The following DMD variants were observed in gnomAD, a reference collection of about 807,000 sequenced individuals.
The protein encoded by DMD is mutant dystrophin.
Under a neutral mutation model 330.1 loss-of-function variants are expected in DMD, and 63 were observed. The ratio of observed to expected loss-of-function variants is 0.19; its 90% confidence interval spans 0.16 to 0.24. DMD has a LOEUF of 0.24. Ranked by LOEUF, DMD falls within the 10% of genes least tolerant of loss-of-function variation. The pLI is 1.00. For missense variants in DMD, 3,344 were observed against 2,684.1 expected (o/e 1.25, Z -5.43); for synonymous variants, 1,223 against 959.8 (o/e 1.27, Z -5.07).
intron 52 of DMD, among the ~76,000 whole-genome samples, chrX:31,700,018 TG>T (rs1397388062): frequency 9.1e-6 from 1 of 110,413 alleles, no homozygotes; most frequent in Non-Finnish European, 1.9e-5. Flanking sequence ...AAACCCTGTC[TG>T]TACTAAAAAT....
Position 31,293,163 on chromosome X carries a change from G to GGTGTGTGTGTGTGTGT in DMD, c.9224+30419_9224+30434dup, listed in dbSNP as rs762778210. 3.3e-3 allele frequency among the ~76,000 whole-genome samples: 235 copies of GGTGTGTGTGTGTGTGT among 70,545 alleles called. 8 individuals are homozygous for GGTGTGTGTGTGTGTGT. Among genetic ancestry groups the GGTGTGTGTGTGTGTGT allele is most frequent in the East Asian group, 9.4e-3 (25 of 2,654 alleles). 61.3% of individuals were successfully genotyped at this position (70,545 alleles called of 115,157 possible). A position where few individuals can be genotyped will look rare whatever the true frequency, so the allele number is the denominator to read the frequency against. On this transcript the variant is annotated intron_variant, in intron 62 of 78. Transcript: ENST00000357033. ...CTCTCTCTCACCACTCCCCCAACCC[G>GGTGTGTGTGTGTGTGT]GTGTGTGTGTGTGTGTGTGTGTGTG...
chrX:32,174,196 A>G (rs12560135), intron 44 of DMD, among the ~76,000 whole-genome samples: 21,218 of 111,709 alleles, frequency 0.19, 1,532 homozygotes, highest in Admixed American at 0.26. Context: ...AATGAGGATC[A>G]CAGAGGAGAA....
chrX:32,748,681 A>G (rs1220926613), intron 7 of DMD, among the ~76,000 whole-genome samples: 1 of 112,284 alleles, frequency 8.9e-6, no homozygotes, highest in African/African-American at 3.2e-5. Flanking sequence ...GCAAATTAAA[A>G]CAGATTATCA....
intron 1 of DMD, among the ~76,000 whole-genome samples, chrX:33,120,387 G>A (rs944570540): frequency 4.5e-5 from 5 of 111,420 alleles, no homozygotes; most frequent in Non-Finnish European, 9.4e-5. Context: ...CTTTTTTCAA[G>A]TACTTCCATC....
chrX:32,699,305 T>A lies in DMD; in HGVS notation c.650-12A>T. 1 of 1,180,803 alleles carries A rather than the reference T, an allele frequency of 8.5e-7. No homozygotes were observed. Among genetic ancestry groups the A allele is most frequent in the Non-Finnish European group, 1.2e-6 (1 of 867,703 alleles). ...GGTGGTATCAACATCTGTAAGCACA[T>A]TAACACTACACATCAATTTTTGGTT... is the stretch of plus-strand genomic sequence containing the variant. On this transcript the variant is annotated splice_polypyrimidine_tract_variant and intron_variant, in intron 7 of 78. Coordinates refer to ENST00000357033, the MANE Select transcript of DMD (RefSeq NM_004006.3).
chrX:32,287,039 C>G (rs1198053078), intron 43 of DMD, among the ~76,000 whole-genome samples: 1 of 110,277 alleles, frequency 9.1e-6, no homozygotes, highest in Non-Finnish European at 1.9e-5. Context: ...GATTTTAAAT[C>G]AACTTAACAA....
At chrX:31,614,014 T>C (rs2078067465) in intron 55 of DMD, among the ~76,000 whole-genome samples, 1 of 112,405 alleles carries the variant, frequency 8.9e-6, no homozygotes, top group East Asian at 2.8e-4. Context: ...AACACTTGTT[T>C]TCCACTCCAA....
rs376745644 is a variant in DMD, at chrX:31,177,946, C to G, written c.10248G>C (p.Trp3416Cys). The G allele has an allele frequency of 2.6e-5, 31 of 1,207,722 alleles. No homozygotes were observed. The highest frequency in any genetic ancestry group is 3.2e-5 in the Non-Finnish European group (29 of 893,195). Residue 3416 changes from tryptophan (W) to cysteine (C), a missense_variant, in exon 71 of 79, where the codon TGG becomes TGC. Transcript: ENST00000357033. Reference protein sequence around the residue: ...METPVTLINFWPVDSAPASSP... With the variant: ...METPVTLINFCPVDSAPASSP... ...AAAGTACTCACGCAGAATCTACTGGCCAGAAGTTGATCAGAGTAACGGGAC... is the reference window on the plus strand; with the variant it reads ...AAAGTACTCACGCAGAATCTACTGGGCAGAAGTTGATCAGAGTAACGGGAC...
intron 60 of DMD, among the ~76,000 whole-genome samples, chrX:31,366,470 C>CAAAAAAAAAAAAAAAAAAAAAAAAACAAA (rs2059239291): frequency 1.9e-4 from 2 of 10,651 alleles, no homozygotes; most frequent in Non-Finnish European, 2.7e-4. Flanking sequence ...CTCTCTCTCT[C>CAAAAAAAAAAAAAAAAAAAAAAAAACAAA]AAAAAAAAAA....
intron 44 of DMD, among the ~76,000 whole-genome samples, chrX:32,173,759 T>G (rs745557371): frequency 3.2e-4 from 36 of 111,967 alleles, no homozygotes; most frequent in African/African-American, 1.1e-3. Flanking sequence ...TATTTATATG[T>G]ATGCTTTAGG....
At chrX:32,755,196 T>A (rs2748313) in intron 7 of DMD, among the ~76,000 whole-genome samples, 38,940 of 109,391 alleles carry the variant, frequency 0.36, 5,819 homozygotes, top group African/African-American at 0.56. Context: ...AGCTCAATAA[T>A]GAAAGCTCAA....
At chrX:32,046,710 A>G (rs1423678721) in intron 44 of DMD, among the ~76,000 whole-genome samples, 1 of 111,099 alleles carries the variant, frequency 9.0e-6, no homozygotes, top group African/African-American at 3.3e-5. Flanking sequence ...ATTTAATGGC[A>G]TTTTTTTTGT....
chrX:31,872,878 G>A (rs2093914178), intron 48 of DMD, among the ~76,000 whole-genome samples: 1 of 111,116 alleles, frequency 9.0e-6, no homozygotes, highest in Non-Finnish European at 1.9e-5. Context: ...GTGAATAGGA[G>A]CTAGTCAAAC....
Position 32,472,321 on chromosome X carries a change from G to A in DMD, c.2804-12C>T, listed in dbSNP as rs1363442867. On this transcript the variant is annotated splice_polypyrimidine_tract_variant and intron_variant, in intron 21 of 78. Coordinates refer to ENST00000357033, the MANE Select transcript of DMD (RefSeq NM_004006.3). ...CAAAGTGTCAAAAACTTTATCAAAA[G>A]GGAAAAAAGAATGAGAATCACTTAA... 8.3e-7 allele frequency: 1 copy of A among 1,207,884 alleles called. No homozygotes were observed. The highest frequency in any genetic ancestry group is 1.8e-5 in the South Asian group (1 of 56,698).
intron 73 of DMD, among the ~76,000 whole-genome samples, chrX:31,169,853 A>C (rs972076803): frequency 8.9e-6 from 1 of 112,081 alleles, no homozygotes; most frequent in Non-Finnish European, 1.9e-5. Flanking sequence ...CGGATAAATG[A>C]AAGGCAGAAT....
intron 1 of DMD, among the ~76,000 whole-genome samples, chrX:33,160,285 C>T (rs928532195): frequency 2.7e-5 from 3 of 111,318 alleles, no homozygotes; most frequent in African/African-American, 9.8e-5. Context: ...CACTGTAAGT[C>T]GAGGGATATC....
intron 37 of DMD, among the ~76,000 whole-genome samples, chrX:32,357,102 T>A (rs1239693614): frequency 9.0e-6 from 1 of 111,574 alleles, no homozygotes; most frequent in Admixed American, 9.5e-5. Context: ...TTGGCCAGGT[T>A]GATCTTCAAC....
chrX:32,197,423 G>A (rs1477224593), intron 44 of DMD, among the ~76,000 whole-genome samples: 2 of 111,630 alleles, frequency 1.8e-5, no homozygotes, highest in African/African-American at 6.5e-5. Flanking sequence ...TATTTTCCCT[G>A]TAGAATTATT....
chrX:32,399,619 T>C (rs866689466), intron 30 of DMD, among the ~76,000 whole-genome samples: 33 of 111,267 alleles, frequency 3.0e-4, no homozygotes, highest in African/African-American at 1.0e-3. Context: ...GGAACCCTCA[T>C]ACACTGCTGG....
Sources: gnomAD v4.1 joint callset for allele counts (sites outside exome capture counted in the v4.1 genomes callset) on GRCh38, gnomAD v4.1.1 for gene constraint, MANE v1.5 for transcripts, NCBI Gene and HGNC (gene_info 2026-07-23, HGNC 2026-07-21) for gene names.